Variants in FAM193A observed in about 807,000 individuals in gnomAD.
FAM193A encodes the protein family with sequence similarity 193 member A, also known as protein FAM193A.
In FAM193A, 22 loss-of-function variants were observed where a neutral mutation model predicts 126.5. That is an observed-to-expected ratio of 0.17 (90% CI 0.12 to 0.25). FAM193A has a LOEUF of 0.25. Ranked by LOEUF, FAM193A falls within the 10% of genes least tolerant of loss-of-function variation. The pLI, the probability that FAM193A is intolerant of heterozygous loss-of-function variation, is 1.00. For synonymous variants in FAM193A, 761 were observed against 646.8 expected (o/e 1.18, Z -2.68); for missense variants, 1,675 against 1,672.8 (o/e 1.00, Z -0.02).
intron 1 of FAM193A, among the ~76,000 whole-genome samples, chr4:2,566,072 G>T (rs1386991759): frequency 6.9e-6 from 1 of 143,896 alleles, no homozygotes; most frequent in African/African-American, 2.9e-5. Context: ...TTTTGAGACG[G>T]AGTCTCGCTC....
chr4:2,621,803 G>A (rs987855384), intron 2 of FAM193A, among the ~76,000 whole-genome samples: 2 of 152,088 alleles, frequency 1.3e-5, no homozygotes, highest in Non-Finnish European at 2.9e-5. Flanking sequence ...CGTGAACCTC[G>A]CTTGTTGAAG....
Position 2,693,801 on chromosome 4 carries a change from C to A in FAM193A, c.3019C>A (p.Arg1007Ser). The A allele has an allele frequency of 6.2e-7, 1 of 1,614,244 alleles. No homozygotes were observed. Among genetic ancestry groups the A allele is most frequent in the Non-Finnish European group, 8.5e-7 (1 of 1,180,044 alleles). Residue 1007 changes from arginine (R) to serine (S), a missense_variant, in exon 16 of 21, where the codon CGC (arginine) becomes AGC (serine). This residue lies in a region of FAM193A where 1,186 missense variants were observed against 1,109.2 expected (regional missense o/e 1.07). Transcript: ENST00000637812. ...ATTTPGFVDT[R>S]KSFCPAPLPP... The stretch of plus-strand genomic sequence containing the variant: ...CACAACTCCTGGGTTTGTGGACACA[C>A]GCAAGAGTTTCTGTCCTGCACCCCT...
intron 18 of FAM193A, among the ~76,000 whole-genome samples, chr4:2,698,194 C>G (rs997725214): frequency 6.6e-6 from 1 of 152,260 alleles, no homozygotes; most frequent in African/African-American, 2.4e-5. Context: ...CAGGTCCAAA[C>G]CGGGGGCCTG....
intron 19 of FAM193A, among the ~76,000 whole-genome samples, chr4:2,707,874 G>A (rs1246625915): frequency 1.3e-5 from 2 of 151,602 alleles, no homozygotes; most frequent in South Asian, 2.1e-4. Flanking sequence ...CCACCCTCCC[G>A]AGTAGCTGGA....
At chr4:2,693,484 TGAA>T in intron 15 of FAM193A, 99 bp from the exon 16 acceptor site, 1 of 1,097,258 alleles carries the variant, frequency 9.1e-7, no homozygotes, top group South Asian at 1.5e-5. Context: ...TGAAGCAAGG[TGAA>T]GGATGAATGG....
At chr4:2,701,509 A>G (rs993675853) in intron 19 of FAM193A, among the ~76,000 whole-genome samples, 6 of 152,194 alleles carry the variant, frequency 3.9e-5, no homozygotes, top group African/African-American at 1.2e-4. Context: ...TTTGGCGGCA[A>G]CACCACTGAT....
In FAM193A at chr4:2,639,782, T is replaced by C. The variant is rs145867907; in HGVS notation, c.1086T>C (p.Asn362=). 3.6e-5 allele frequency: 58 copies of C among 1,613,992 alleles called. No homozygotes were observed. The African/African-American group carries it at 7.5e-4, about 21-fold the overall frequency. The change falls in exon 6 of 21, where the codon AAT becomes AAC. Residue 362 remains asparagine (N), a synonymous_variant. Transcript: ENST00000637812. The part of the protein sequence containing the change: ...KKFQVTWELH[N]KHLFENLVFS... The stretch of plus-strand genomic sequence containing the variant: ...TCCAAGTGACGTGGGAACTGCATAA[T>C]AAACACCTGTTTGAAAATCTGGTCT...
chr4:2,731,641 C>T (rs553057447), intron 20 of FAM193A, 134 bp from the exon 21 acceptor site: 1 of 674,022 alleles, frequency 1.5e-6, no homozygotes, highest in Admixed American at 2.4e-5. Flanking sequence ...GACACTGTGC[C>T]CCTCACCGAG....
At chr4:2,564,990 G>A (rs769234764) in intron 1 of FAM193A, among the ~76,000 whole-genome samples, 3 of 151,942 alleles carry the variant, frequency 2.0e-5, no homozygotes, top group Non-Finnish European at 4.4e-5. Context: ...CAGAGCCAGG[G>A]GTCTTGCTGT....
At chr4:2,571,340 C>T (rs1307793128) in intron 1 of FAM193A, among the ~76,000 whole-genome samples, 2 of 152,136 alleles carry the variant, frequency 1.3e-5, no homozygotes. Flanking sequence ...GAGTACCAGG[C>T]AGATGTGGCA....
At chr4:2,616,336 A>T (rs1394538683) in intron 2 of FAM193A, among the ~76,000 whole-genome samples, 3 of 152,142 alleles carry the variant, frequency 2.0e-5, no homozygotes, top group Non-Finnish European at 4.4e-5. Context: ...TGTACATGGA[A>T]TATGGCTTCC....
chr4:2,598,811 T>G (rs1741021597), intron 2 of FAM193A, among the ~76,000 whole-genome samples: 1 of 152,228 alleles, frequency 6.6e-6, no homozygotes, highest in Non-Finnish European at 1.5e-5. Context: ...CGTGTGGGCC[T>G]GTAGAGGGGA....
Position 2,639,791 on chromosome 4 carries a change from G to C in FAM193A, c.1095G>C (p.Leu365=). 10 of 1,614,032 alleles carry C rather than the reference G, an allele frequency of 6.2e-6. No individual in the cohort carries two copies. Among genetic ancestry groups the C allele is most frequent in the Non-Finnish European group, 8.5e-6 (10 of 1,179,916 alleles). ...QVTWELHNKH[L]FENLVFSEPL... ...CGTGGGAACTGCATAATAAACACCT[G>C]TTTGAAAATCTGGTCTTTTCGGAGC... The change falls in exon 6 of 21, where the codon CTG becomes CTC. Residue 365 remains leucine (L), a synonymous_variant. Transcript: ENST00000637812.
chr4:2,706,291 C>CT (rs59143784), intron 19 of FAM193A, among the ~76,000 whole-genome samples: 6,144 of 108,670 alleles, frequency 0.057, 452 homozygotes, highest in African/African-American at 0.13. Flanking sequence ...TTCTTTCTTT[C>CT]TTTTTTTTTT....
intron 1 of FAM193A, among the ~76,000 whole-genome samples, chr4:2,577,347 A>G (rs977740860): frequency 4.7e-5 from 7 of 150,370 alleles, no homozygotes; most frequent in African/African-American, 1.5e-4. Context: ...CTTTGTCGTC[A>G]TTGGTCTAGG....
intron 19 of FAM193A, among the ~76,000 whole-genome samples, chr4:2,707,446 C>A (rs1025789322): frequency 1.3e-5 from 2 of 152,022 alleles, no homozygotes; most frequent in Non-Finnish European, 2.9e-5. Context: ...TTATCGAGCA[C>A]TTGAAATGTG....
intron 20 of FAM193A, among the ~76,000 whole-genome samples, chr4:2,722,818 A>G (rs1042865034): frequency 6.6e-6 from 1 of 152,218 alleles, no homozygotes; most frequent in Admixed American, 6.5e-5. Flanking sequence ...GTTTCATTCA[A>G]GTTTAGAGAC....
intron 2 of FAM193A, among the ~76,000 whole-genome samples, chr4:2,609,294 G>A (rs1001111060): frequency 2.6e-5 from 4 of 152,078 alleles, no homozygotes; most frequent in African/African-American, 9.7e-5. Flanking sequence ...ATTTGCATAT[G>A]TTTAACAAAA....
intron 20 of FAM193A, among the ~76,000 whole-genome samples, chr4:2,726,191 G>T (rs867918611): frequency 6.6e-6 from 1 of 152,112 alleles, no homozygotes; most frequent in South Asian, 2.1e-4. Flanking sequence ...GAGCCACCAC[G>T]CCCAGCCTCA....
Sources: gnomAD v4.1 joint callset for allele counts (sites outside exome capture counted in the v4.1 genomes callset) on GRCh38, gnomAD v4.1.1 for gene constraint, gnomAD v4.1.1 regional missense constraint, MANE v1.5 for transcripts, NCBI Gene and HGNC (gene_info 2026-07-23, HGNC 2026-07-21) for gene names.